PPM1E: variants seen among roughly 807,000 people sequenced by gnomAD.
PPM1E encodes the protein protein phosphatase, Mg2+/Mn2+ dependent 1E, also known as protein phosphatase 1E.
PPM1E carries 20 observed loss-of-function variants against 65.9 expected under a neutral mutation model. That is an observed-to-expected ratio of 0.30 (90% CI 0.21 to 0.44). The LOEUF (loss-of-function observed/expected upper bound fraction) is 0.44. Ranked by LOEUF, PPM1E falls within the 20% of genes least tolerant of loss-of-function variation. The pLI, the probability that PPM1E is intolerant of heterozygous loss-of-function variation, is 1.00. For synonymous variants in PPM1E, 352 were observed against 374.9 expected, an observed-to-expected ratio of 0.94 and a Z score of 0.70; for missense variants, 713 against 953.1, an observed-to-expected ratio of 0.75 and a Z score of 3.32.
In PPM1E at chr17:58,969,521, CTG is replaced by C. The variant is rs757172165; in HGVS notation, c.784-14_784-13del. 12 of 1,613,506 alleles carry C rather than the reference CTG, an allele frequency of 7.4e-6. No homozygotes were observed. In the African/African-American group the frequency reaches 1.3e-4, roughly 18 times the overall value. On this transcript the variant is annotated splice_polypyrimidine_tract_variant and intron_variant, in intron 3 of 6. Transcript: ENST00000308249. ...GCTATACCCAACTCCCATAACTGTTCTGTGTTTCTGTTGACAGGACCAGGAAG... is the reference window on the plus strand; with the variant it reads ...GCTATACCCAACTCCCATAACTGTTCTGTTTCTGTTGACAGGACCAGGAAG...
chr17:58,954,957 C>T (rs1446892976), intron 1 of PPM1E, among the ~76,000 whole-genome samples: 5 of 151,848 alleles, frequency 3.3e-5, no homozygotes, highest in Middle Eastern at 3.5e-3. Flanking sequence ...CTTCCCACTA[C>T]GACATAACTG....
intron 1 of PPM1E, among the ~76,000 whole-genome samples, chr17:58,868,764 G>A (rs1197305572): frequency 6.6e-6 from 1 of 151,950 alleles, no homozygotes; most frequent in Non-Finnish European, 1.5e-5. Context: ...GTCCCATAGG[G>A]TATGGGTACG....
intron 1 of PPM1E, among the ~76,000 whole-genome samples, chr17:58,799,400 C>T (rs2050237446): frequency 6.6e-6 from 1 of 151,830 alleles, no homozygotes; most frequent in Non-Finnish European, 1.5e-5. Context: ...TCACCTCGGT[C>T]CCCCCTGAGC....
In PPM1E at chr17:58,865,119, G is replaced by A. The variant is rs113589698; in HGVS notation, c.465-90530G>A. Among the ~76,000 whole-genome samples, 1,358 of 151,914 alleles carry A rather than the reference G, an allele frequency of 8.9e-3. 23 individuals are homozygous for A. The highest frequency in any genetic ancestry group is 0.03 in the African/African-American group (1,234 of 41,454). ...ATTATGCAATCCTGGGCCAGGTGCCGTGGCTCACGCCTGTAATCCCAGCAC... is the reference window on the plus strand; with the variant it reads ...ATTATGCAATCCTGGGCCAGGTGCCATGGCTCACGCCTGTAATCCCAGCAC... On this transcript the variant is annotated intron_variant, in intron 1 of 6. Transcript: ENST00000308249.
chr17:58,920,028 A>AGG (rs940344998), intron 1 of PPM1E, among the ~76,000 whole-genome samples: 27 of 152,292 alleles, frequency 1.8e-4, no homozygotes, highest in Admixed American at 7.8e-4. Context: ...GGTTTAGACT[A>AGG]GGTGTTTATC....
rs770315690 is a variant in PPM1E, at chr17:58,980,886, C to T, written c.2123C>T (p.Thr708Ile). 2 of 1,614,162 alleles carry T rather than the reference C, an allele frequency of 1.2e-6. No homozygotes were observed. The highest frequency in any genetic ancestry group is 1.7e-5 in the Admixed American group (1 of 60,022). Residue 708 changes from threonine (T) to isoleucine (I), a missense_variant, in exon 7 of 7, where the codon ACT (threonine) becomes ATT (isoleucine). By Grantham distance (89) the Thr-to-Ile change is moderately conservative. Around this residue, in one of 6 missense-constraint regions of PPM1E, gnomAD observed 286 missense variants for 313.8 expected, o/e 0.91. Transcript: ENST00000308249. The surrounding 1 kb of genome is among the most constrained non-coding windows in gnomAD (Gnocchi z 4.7). ...ATAGGCACTAGCCTGTCCTCACTTA[C>T]TGGAAGTGGGAAGAGAAATAGGATA... ...HKIGTSLSSL[T>I]GSGKRNRIRS...
In PPM1E at chr17:58,948,910, C is replaced by T. The variant is rs186495018; in HGVS notation, c.465-6739C>T. ...ACTTCAATTAAAAAAATTTTTTTAG[C>T]CTTGTTCTGTGTCCTAACATGTAGT... is the stretch of plus-strand genomic sequence containing the variant. On this transcript the variant is annotated intron_variant, in intron 1 of 6. Transcript: ENST00000308249. Among the ~76,000 whole-genome samples, 41 of 152,228 alleles carry T rather than the reference C, an allele frequency of 2.7e-4. 1 individual carries two copies. The East Asian group carries it at 6.0e-3, about 22-fold the overall frequency.
rs139291578 is a variant in PPM1E, at chr17:58,805,539, C to T, written c.464+49078C>T. On this transcript the variant is annotated intron_variant, in intron 1 of 6. Transcript: ENST00000308249. Reference sequence around the variant, plus strand: ...TGCTGGGATTACAGGCGTGAGCCACCGTGCCCGGCCCCAGTGTGTAGTCTT... The same window carrying T: ...TGCTGGGATTACAGGCGTGAGCCACTGTGCCCGGCCCCAGTGTGTAGTCTT... 3.3e-5 allele frequency among the ~76,000 whole-genome samples: 5 copies of T among 152,244 alleles called. No homozygotes were observed. In the East Asian group the frequency reaches 5.8e-4, roughly 18 times the overall value.
intron 1 of PPM1E, among the ~76,000 whole-genome samples, chr17:58,907,422 G>C (rs1290902972): frequency 6.6e-6 from 1 of 151,968 alleles, no homozygotes; most frequent in Non-Finnish European, 1.5e-5. Flanking sequence ...TGGTCTATCT[G>C]GATGAATGTT....
intron 1 of PPM1E, chr17:58,785,487 T>TATATAGATAG (rs1555609827): frequency 1.5e-5 from 2 of 132,210 alleles, no homozygotes; most frequent in African/African-American, 5.5e-5. Context: ...TATATATATA[T>TATATAGATAG]ATAGTAGAAC....
At chr17:58,818,653 A>G (rs1218686246) in intron 1 of PPM1E, among the ~76,000 whole-genome samples, 1 of 152,202 alleles carries the variant, frequency 6.6e-6, no homozygotes, top group African/African-American at 2.4e-5. Flanking sequence ...ATATGAGCCA[A>G]TGATAATTAG....
intron 1 of PPM1E, among the ~76,000 whole-genome samples, chr17:58,787,889 A>G (rs2050117137): frequency 6.7e-6 from 1 of 149,004 alleles, no homozygotes; most frequent in Non-Finnish European, 1.5e-5. Context: ...CCTGGGCAAC[A>G]GAGTAAGACT....
chr17:58,839,687 A>T (rs2050698178), intron 1 of PPM1E, among the ~76,000 whole-genome samples: 1 of 152,154 alleles, frequency 6.6e-6, no homozygotes, highest in African/African-American at 2.4e-5. Flanking sequence ...GTACACTAAC[A>T]TTGACCAAGA....
At chr17:58,964,421 C>G (rs1272419903) in intron 2 of PPM1E, among the ~76,000 whole-genome samples, 1 of 152,110 alleles carries the variant, frequency 6.6e-6, no homozygotes, top group Non-Finnish European at 1.5e-5. Flanking sequence ...GCTTAAAAGG[C>G]TTACACATGT....
intron 1 of PPM1E, among the ~76,000 whole-genome samples, chr17:58,866,699 A>C (rs1349193384): frequency 6.6e-6 from 1 of 152,216 alleles, no homozygotes; most frequent in Non-Finnish European, 1.5e-5. Context: ...CTCATAGTAC[A>C]AAATAATCCC....
At chr17:58,829,016 C>G (rs1443254881) in intron 1 of PPM1E, among the ~76,000 whole-genome samples, 2 of 152,002 alleles carry the variant, frequency 1.3e-5, no homozygotes, top group Non-Finnish European at 2.9e-5. Flanking sequence ...AACTGAGCCA[C>G]TATATACTGT....
At chr17:58,823,397 C>T (rs1280597272) in intron 1 of PPM1E, among the ~76,000 whole-genome samples, 4 of 152,228 alleles carry the variant, frequency 2.6e-5, no homozygotes, top group East Asian at 1.9e-4. Context: ...ATTGTGATAA[C>T]GCTGTTCTCT....
chr17:58,879,725 G>A (rs1336451075), intron 1 of PPM1E, among the ~76,000 whole-genome samples: 1 of 151,882 alleles, frequency 6.6e-6, no homozygotes, highest in Non-Finnish European at 1.5e-5. Flanking sequence ...TAGCCAGGAT[G>A]GTCTCAATCT....
intron 1 of PPM1E, among the ~76,000 whole-genome samples, chr17:58,882,704 A>G (rs1208236394): frequency 6.6e-6 from 1 of 151,520 alleles, no homozygotes; most frequent in Non-Finnish European, 1.5e-5. Flanking sequence ...ATTGTTTTTC[A>G]GTTAATGAAA....
Sources: gnomAD v4.1 joint callset for allele counts (sites outside exome capture counted in the v4.1 genomes callset) on GRCh38, gnomAD v4.1.1 for gene constraint, gnomAD v4.1.1 regional missense constraint, Gnocchi (gnomAD v3.1) non-coding constraint, MANE v1.5 for transcripts, NCBI Gene and HGNC (gene_info 2026-07-23, HGNC 2026-07-21) for gene names.